The following TNRC6B variants were observed in gnomAD, a reference collection of about 807,000 sequenced individuals.
TNRC6B encodes the protein trinucleotide repeat-containing gene 6B protein.
TNRC6B carries 52 observed loss-of-function variants against 203.6 expected under a neutral mutation model. That is an observed-to-expected ratio of 0.26 (90% confidence interval 0.20 to 0.32). The LOEUF (loss-of-function observed/expected upper bound fraction) is 0.32. Among genes scored for constraint, TNRC6B ranks in the 10% least tolerant of loss-of-function variants. TNRC6B has a pLI of 1.00. For synonymous variants in TNRC6B, 838 were observed against 845.7 expected (o/e 0.99, Z 0.16); for missense variants, 1,923 against 2,286.2 (o/e 0.84, Z 3.24).
intron 1 of TNRC6B, among the ~76,000 whole-genome samples, chr22:40,057,448 C>T (rs1213856109): frequency 6.6e-6 from 1 of 152,044 alleles, no homozygotes; most frequent in African/African-American, 2.4e-5. Flanking sequence ...CGTGTGCCAC[C>T]ACGCCCGGCT....
chr22:40,287,716 T>C (rs2070807083), intron 12 of TNRC6B, among the ~76,000 whole-genome samples: 1 of 152,222 alleles, frequency 6.6e-6, no homozygotes, highest in South Asian at 2.1e-4. Flanking sequence ...GGTTATCAAA[T>C]ATCTGTAGCA....
chr22:40,290,666 C>G (rs1004370167), intron 12 of TNRC6B, among the ~76,000 whole-genome samples: 5 of 152,118 alleles, frequency 3.3e-5, no homozygotes, highest in Non-Finnish European at 5.9e-5. Context: ...CTGTCACTCC[C>G]CCACCCCCCG....
In TNRC6B at chr22:40,330,060, G is replaced by A. The variant is rs1305803482; in HGVS notation, c.*6819G>A. On this transcript the variant is annotated 3_prime_UTR_variant, in exon 23 of 23. Transcript: ENST00000454349. ...CTCTGTTTTAAATAAAGAATAAATA[G>A]TGTCCGTTTAAAGCACTTTGTGCCT... The A allele has an allele frequency of 2.6e-5, 4 of 152,192 alleles. No individual in the cohort carries two copies. The highest frequency in any genetic ancestry group is 3.2e-3 in the Middle Eastern group (1 of 316). 9.4% of individuals were successfully genotyped at this position (152,192 alleles called of 1,614,324 possible).
At chr22:40,120,319 G>A (rs1388929818) in intron 2 of TNRC6B, among the ~76,000 whole-genome samples, 1 of 145,314 alleles carries the variant, frequency 6.9e-6, no homozygotes. Context: ...CTGGGTGACA[G>A]AGTGAGACCC....
intron 4 of TNRC6B, among the ~76,000 whole-genome samples, chr22:40,164,828 A>G (rs2068904804): frequency 7.2e-6 from 1 of 138,264 alleles, no homozygotes; most frequent in South Asian, 2.5e-4. Context: ...CCCAGGCTGG[A>G]GTGCAGTGAC....
At position 40,323,122 on chromosome 22, in the gene TNRC6B, C is replaced by G. The variant is rs199634047; in HGVS notation, c.5383C>G (p.Pro1795Ala). The change falls in exon 23 of 23, where the codon CCC becomes GCC. Residue 1795 changes from proline (P) to alanine (A), a missense_variant. Physicochemically the swap from Pro to Ala is conservative, Grantham distance 27. Coordinates refer to ENST00000454349, the MANE Select transcript of TNRC6B (RefSeq NM_001162501.2). ...ADLAGASLWGPPNYSSSLWGV... is the reference protein window; with the variant it reads ...ADLAGASLWGAPNYSSSLWGV... Reference sequence around the variant, plus strand: ...TCTTGCTGGCGCTTCATTGTGGGGGCCCCCAAACTATTCTTCTAGCTTATG... The same window carrying G: ...TCTTGCTGGCGCTTCATTGTGGGGGGCCCCAAACTATTCTTCTAGCTTATG... The G allele has an allele frequency of 3.7e-6, 6 of 1,612,798 alleles. No homozygotes were observed. In the East Asian group the frequency reaches 1.3e-4, roughly 36 times the overall value.
At chr22:40,121,831 C>T (rs1324139153) in intron 2 of TNRC6B, among the ~76,000 whole-genome samples, 2 of 152,242 alleles carry the variant, frequency 1.3e-5, no homozygotes, top group African/African-American at 4.8e-5. Flanking sequence ...ACAAAGTTGC[C>T]ATAACTACAG....
intron 1 of TNRC6B, among the ~76,000 whole-genome samples, chr22:40,215,448 G>C (rs181548361): frequency 6.6e-6 from 1 of 152,194 alleles, no homozygotes; most frequent in Non-Finnish European, 1.5e-5. Context: ...CTGCATGGCC[G>C]GAGAAGGAAG....
chr22:40,258,071 C>CTTTTTTTT (rs56078653), intron 3 of TNRC6B, among the ~76,000 whole-genome samples: 10 of 28,712 alleles, frequency 3.5e-4, no homozygotes, highest in Non-Finnish European at 3.9e-4. Context: ...GATACACAGC[C>CTTTTTTTT]TTTTTTTTTT....
intron 1 of TNRC6B, among the ~76,000 whole-genome samples, chr22:40,079,074 C>CA (rs551541709): frequency 0.041 from 5,757 of 140,650 alleles, 141 homozygotes; most frequent in Non-Finnish European, 0.063. Context: ...AACTCTGTCT[C>CA]AAAAAAAAAA....
intron 3 of TNRC6B, among the ~76,000 whole-genome samples, chr22:40,140,242 T>C (rs2146337423): frequency 6.6e-6 from 1 of 152,322 alleles, no homozygotes; most frequent in African/African-American, 2.4e-5. Flanking sequence ...AAAAAACCAC[T>C]TCTTGCTTAG....
In TNRC6B at chr22:40,280,035, G is replaced by A. The variant is rs760504227; in HGVS notation, c.3303G>A (p.Ala1101=). The A allele has an allele frequency of 1.2e-5, 20 of 1,613,784 alleles. No individual in the cohort carries two copies. In the Middle Eastern group the frequency reaches 4.9e-4, roughly 40 times the overall value. Reference sequence around the variant, plus strand: ...AAAAATTTGATGTGGACAAGCGAGCGATGAATCTCGGGGATTTTAATGATA... The same window carrying A: ...AAAAATTTGATGTGGACAAGCGAGCAATGAATCTCGGGGATTTTAATGATA... The part of the protein sequence containing the change: ...SDKKFDVDKR[A]MNLGDFNDIM... The change falls in exon 10 of 23, where the codon GCG becomes GCA. Residue 1101 remains alanine (A), a synonymous_variant. Coordinates refer to ENST00000454349, the MANE Select transcript of TNRC6B (RefSeq NM_001162501.2).
At chr22:40,258,961 G>A (rs533073564) in intron 3 of TNRC6B, among the ~76,000 whole-genome samples, 2 of 152,162 alleles carry the variant, frequency 1.3e-5, no homozygotes, top group Non-Finnish European at 2.9e-5. Context: ...AACTTATAAT[G>A]AAGATTCTTG....
intron 1 of TNRC6B, among the ~76,000 whole-genome samples, chr22:40,217,365 A>G (rs1009481502): frequency 4.6e-5 from 7 of 152,172 alleles, no homozygotes; most frequent in Admixed American, 1.3e-4. Context: ...TTCTTTTCCC[A>G]TAAGTATGAC....
intron 1 of TNRC6B, among the ~76,000 whole-genome samples, chr22:40,193,060 C>T (rs1417039849): frequency 6.6e-6 from 1 of 152,120 alleles, no homozygotes; most frequent in African/African-American, 2.4e-5. Context: ...GGCGCCCCAG[C>T]GGTCAGCTTG....
intron 10 of TNRC6B, 61 bp from the exon 11 acceptor site, chr22:40,281,058 G>A (rs1601486193): frequency 3.0e-6 from 4 of 1,346,042 alleles, no homozygotes. Context: ...TTCCCTTCTT[G>A]CATTCTGTTG....
At chr22:40,313,052 C>G (rs2071208389) in intron 19 of TNRC6B, 55 bp downstream of exon 19, 1 of 1,407,986 alleles carries the variant, frequency 7.1e-7, no homozygotes, top group Admixed American at 1.9e-5. Context: ...ATCAGGTTCC[C>G]TTTTATAAAG....
chr22:40,157,255 C>G (rs1415320202), intron 4 of TNRC6B, among the ~76,000 whole-genome samples: 2 of 151,984 alleles, frequency 1.3e-5, no homozygotes, highest in African/African-American at 4.8e-5. Context: ...ACTGACATAA[C>G]TACTATTTTT....
At chr22:40,154,867 A>G in intron 3 of TNRC6B, among the ~76,000 whole-genome samples, 1 of 32,028 alleles carries the variant, frequency 3.1e-5, no homozygotes, top group African/African-American at 2.4e-4. Flanking sequence ...AAAAATATAT[A>G]TATATATATA....
Sources: allele counts gnomAD v4.1 joint callset (sites outside exome capture counted in the v4.1 genomes callset), GRCh38; gene constraint gnomAD v4.1.1; transcripts MANE v1.5; gene names NCBI Gene and HGNC (gene_info 2026-07-23, HGNC 2026-07-21).